AKAP13: variants seen among roughly 807,000 people sequenced by gnomAD.
AKAP13 encodes A-kinase anchor protein 13.
AKAP13 carries 80 observed loss-of-function variants against 264.5 expected under a neutral mutation model. The ratio of observed to expected loss-of-function variants is 0.30; its 90% CI spans 0.25 to 0.36. AKAP13 has a LOEUF of 0.36. Ranked by LOEUF, AKAP13 falls within the 10% of genes least tolerant of loss-of-function variation. The pLI is 1.00. For synonymous variants in AKAP13, 1,380 were observed against 1,250.2 expected (o/e 1.10, Z -2.19); for missense variants, 3,712 against 3,435.2 (o/e 1.08, Z -2.01).
chr15:85,647,167 G>A (rs1023717677), intron 10 of AKAP13, among the ~76,000 whole-genome samples: 1 of 152,206 alleles, frequency 6.6e-6, no homozygotes, highest in African/African-American at 2.4e-5. Context: ...GGGAGGCCAA[G>A]GCGGGTAGAT....
chr15:85,695,264 C>G (rs979112604), intron 17 of AKAP13, among the ~76,000 whole-genome samples: 5 of 152,146 alleles, frequency 3.3e-5, no homozygotes, highest in African/African-American at 9.7e-5. Context: ...GTTAGCTGGG[C>G]TTTGTGACAC....
chr15:85,418,663 A>G (rs1352117526), intron 1 of AKAP13, among the ~76,000 whole-genome samples: 1 of 152,362 alleles, frequency 6.6e-6, no homozygotes, highest in Non-Finnish European at 1.5e-5. Flanking sequence ...AAAAGTGATA[A>G]AGTAGCCTTG....
intron 18 of AKAP13, chr15:85,710,310 A>G (rs371104941): frequency 2.2e-4 from 67 of 303,200 alleles, no homozygotes; most frequent in African/African-American, 1.3e-3. Flanking sequence ...CAAGGAGGCA[A>G]CCCTTAAATC....
chr15:85,644,492 C>T (rs1322476977), intron 9 of AKAP13, among the ~76,000 whole-genome samples: 1 of 151,034 alleles, frequency 6.6e-6, no homozygotes, highest in Non-Finnish European at 1.5e-5. Flanking sequence ...CCGCCTGCCT[C>T]AGCCTCCCAA....
At chr15:85,385,389 T>C (rs541775645) in intron 1 of AKAP13, among the ~76,000 whole-genome samples, 1 of 152,360 alleles carries the variant, frequency 6.6e-6, no homozygotes, top group Admixed American at 6.5e-5. Context: ...TAATTATTCA[T>C]ATGTATAGTT....
intron 1 of AKAP13, among the ~76,000 whole-genome samples, chr15:85,452,265 G>A (rs2074119745): frequency 6.8e-6 from 1 of 146,346 alleles, no homozygotes; most frequent in Non-Finnish European, 1.5e-5. Flanking sequence ...TTCAGCTCCT[G>A]TATCACTTTA....
chr15:85,386,077 G>A (rs1465836808), intron 1 of AKAP13, among the ~76,000 whole-genome samples: 2 of 151,962 alleles, frequency 1.3e-5, no homozygotes, highest in Non-Finnish European at 2.9e-5. Context: ...TGCCTGCCTC[G>A]GCCTCCCAAA....
At chr15:85,675,767 G>A (rs2084192432) in intron 14 of AKAP13, among the ~76,000 whole-genome samples, 1 of 152,232 alleles carries the variant, frequency 6.6e-6, no homozygotes, top group Admixed American at 6.5e-5. Context: ...GGGTGAATTA[G>A]TATGTGGAAA....
At chr15:85,568,464 T>G (rs886479730) in intron 5 of AKAP13, among the ~76,000 whole-genome samples, 2 of 152,154 alleles carry the variant, frequency 1.3e-5, no homozygotes, top group African/African-American at 4.8e-5. Flanking sequence ...CTTTGAGGAA[T>G]GCACATTTAC....
intron 2 of AKAP13, among the ~76,000 whole-genome samples, chr15:85,521,148 C>T (rs2076808503): frequency 2.0e-5 from 3 of 152,190 alleles, no homozygotes; most frequent in Non-Finnish European, 1.5e-5. Flanking sequence ...TAAAGTTTTC[C>T]TTCATCTTGT....
At chr15:85,682,301 A>G (rs2084643354) in intron 15 of AKAP13, 89 bp downstream of exon 15, 1 of 1,282,912 alleles carries the variant, frequency 7.8e-7, no homozygotes, top group Admixed American at 2.1e-5. Context: ...AACTAAGTTA[A>G]TTGAGCTTAT....
chr15:85,746,908 G>T lies in AKAP13; in HGVS notation c.*2231G>T, dbSNP rs1035273648. On this transcript the variant is annotated 3_prime_UTR_variant, in exon 37 of 37. Transcript: ENST00000394518. The stretch of plus-strand genomic sequence containing the variant: ...GTGCTGATGGGATTTACTTGCGTAC[G>T]TGCTCTTCACAAAAACACCGTGGAT... 3 of 152,174 alleles carry T rather than the reference G, an allele frequency of 2.0e-5. No homozygotes were observed. The highest frequency in any genetic ancestry group is 7.2e-5 in the African/African-American group (3 of 41,432). 9.4% of individuals were successfully genotyped at this position (152,174 alleles called of 1,614,324 possible).
rs76764670 is a variant in AKAP13, at chr15:85,522,449, G to A, written c.181+874G>A. ...TCAGTCACAAATCCCAACAAAGTCTGTTCTATTGGTGGAGAGGGATGTACC... is the reference window on the plus strand; with the variant it reads ...TCAGTCACAAATCCCAACAAAGTCTATTCTATTGGTGGAGAGGGATGTACC... On this transcript the variant is annotated intron_variant, in intron 3 of 36. Coordinates refer to ENST00000394518, the MANE Select transcript of AKAP13 (RefSeq NM_007200.5). Among the ~76,000 whole-genome samples, 667 of 152,228 alleles carry A rather than the reference G, an allele frequency of 4.4e-3. 4 individuals carry two copies. Among genetic ancestry groups the A allele is most frequent in the Non-Finnish European group, 6.7e-3 (459 of 68,010 alleles).
chr15:85,527,033 C>T (rs1368712569), intron 3 of AKAP13, among the ~76,000 whole-genome samples: 1 of 151,280 alleles, frequency 6.6e-6, no homozygotes, highest in Non-Finnish European at 1.5e-5. Context: ...CTGCTCACTG[C>T]AAGCTCCGCC....
Position 85,486,554 on chromosome 15 carries a change from TC to T in AKAP13, c.33+802del, listed in dbSNP as rs1470447576. ...TCTTGGGCATCCTTGTTGAAATTGA[TC>T]AGAAGTGTGAGGAATTTTTTCTGGA... On this transcript the variant is annotated intron_variant, in intron 2 of 36. Transcript: ENST00000394518. Among the ~76,000 whole-genome samples the T allele has an allele frequency of 2.0e-5, 3 of 152,144 alleles. 1 individual carries two copies. The highest frequency in any genetic ancestry group is 7.2e-5 in the African/African-American group (3 of 41,424).
At chr15:85,432,036 T>C (rs1291841797) in intron 1 of AKAP13, among the ~76,000 whole-genome samples, 1 of 152,176 alleles carries the variant, frequency 6.6e-6, no homozygotes, top group East Asian at 1.9e-4. Flanking sequence ...AGAGGCACTT[T>C]CCAACACTGG....
intron 1 of AKAP13, among the ~76,000 whole-genome samples, chr15:85,482,295 C>G (rs2151048009): frequency 6.6e-6 from 1 of 152,304 alleles, no homozygotes; most frequent in East Asian, 1.9e-4. Context: ...GGGCATCTCC[C>G]TCATTTGCTA....
chr15:85,563,060 A>C (rs1478911959), intron 5 of AKAP13, among the ~76,000 whole-genome samples: 1 of 151,932 alleles, frequency 6.6e-6, no homozygotes, highest in Non-Finnish European at 1.5e-5. Flanking sequence ...ATAGAAGCGA[A>C]ATAATTTGTC....
At chr15:85,622,002 C>A (rs939305096) in intron 8 of AKAP13, among the ~76,000 whole-genome samples, 2 of 152,094 alleles carry the variant, frequency 1.3e-5, no homozygotes, top group Non-Finnish European at 2.9e-5. Flanking sequence ...CACCCTGTTT[C>A]CAGTTTGAAA....
Sources: allele counts gnomAD v4.1 joint callset (sites outside exome capture counted in the v4.1 genomes callset), GRCh38; gene constraint gnomAD v4.1.1; transcripts MANE v1.5; gene names NCBI Gene and HGNC (gene_info 2026-07-23, HGNC 2026-07-21).